Variants in ADGB observed in about 807,000 individuals in gnomAD.
The protein encoded by ADGB is calpain-7-like protein.
A neutral mutation model predicts 210.5 loss-of-function variants in ADGB; 172 were observed. That is an observed-to-expected ratio of 0.82 (90% CI 0.72 to 0.93). ADGB has a LOEUF of 0.93. Among genes scored for constraint, ADGB ranks in the 40% least tolerant of loss-of-function variants. The probability of loss-of-function intolerance (pLI) is 0.00; values close to 1 mark genes in which losing one functional copy is unlikely to be tolerated. For missense variants in ADGB, 2,025 were observed against 1,964.8 expected, an observed-to-expected ratio of 1.03 and a Z score of -0.58; for synonymous variants, 658 against 662.7, an observed-to-expected ratio of 0.99 and a Z score of 0.11.
chr6:146,641,917 A>G (rs1775521853), intron 2 of ADGB, among the ~76,000 whole-genome samples: 1 of 152,128 alleles, frequency 6.6e-6, no homozygotes, highest in Non-Finnish European at 1.5e-5. Flanking sequence ...ATCTAATTAA[A>G]CTTAAGAGCT....
chr6:146,653,803 T>A (rs957212431), intron 3 of ADGB, among the ~76,000 whole-genome samples: 12 of 152,184 alleles, frequency 7.9e-5, no homozygotes, highest in African/African-American at 2.9e-4. Context: ...AGTAAAATAC[T>A]GTATCTTATT....
At chr6:146,769,683 T>C (rs1001389126) in intron 29 of ADGB, among the ~76,000 whole-genome samples, 3 of 152,198 alleles carry the variant, frequency 2.0e-5, no homozygotes, top group Non-Finnish European at 2.9e-5. Context: ...AATCTAATAA[T>C]TGAATCTGAA....
intron 1 of ADGB, among the ~76,000 whole-genome samples, chr6:146,607,673 G>T (rs1482668645): frequency 2.0e-5 from 3 of 152,104 alleles, no homozygotes; most frequent in Non-Finnish European, 4.4e-5. Context: ...TTTCAGTTCT[G>T]CTTATGTGAT....
chr6:146,751,055 C>G (rs1777312921), intron 26 of ADGB, among the ~76,000 whole-genome samples: 1 of 152,174 alleles, frequency 6.6e-6, no homozygotes, highest in African/African-American at 2.4e-5. Context: ...TGGTGGTTTG[C>G]TGCACCTATC....
chr6:146,719,857 C>G (rs1176907631), intron 16 of ADGB, among the ~76,000 whole-genome samples: 1 of 152,142 alleles, frequency 6.6e-6, no homozygotes, highest in Non-Finnish European at 1.5e-5. Context: ...TGAAACAACT[C>G]TCTATATCAA....
At chr6:146,800,413 GA>G (rs1465541471) in intron 33 of ADGB, among the ~76,000 whole-genome samples, 6 of 152,158 alleles carry the variant, frequency 3.9e-5, no homozygotes, top group African/African-American at 1.4e-4. Context: ...TTTGGATGAT[GA>G]AAATGTTTTA....
At chr6:146,649,497 A>AT (rs35622724) in intron 3 of ADGB, among the ~76,000 whole-genome samples, 39,380 of 145,154 alleles carry the variant, frequency 0.27, 5,504 homozygotes, top group African/African-American at 0.36. Context: ...TATTTTACTA[A>AT]TTTTTTTTTT....
chr6:146,792,207 C>A (rs576359446), intron 33 of ADGB, among the ~76,000 whole-genome samples: 1 of 152,148 alleles, frequency 6.6e-6, no homozygotes, highest in African/African-American at 2.4e-5. Flanking sequence ...TATATGGTGT[C>A]TTTTGGGGTT....
chr6:146,717,357 A>T (rs561983419), intron 15 of ADGB, among the ~76,000 whole-genome samples, 179 bp from the exon 16 acceptor site: 1 of 152,306 alleles, frequency 6.6e-6, no homozygotes, highest in East Asian at 1.9e-4. Flanking sequence ...CTTGTTTCTT[A>T]ATTAAAATGA....
At chr6:146,788,324 G>A (rs905692243) in intron 32 of ADGB, 65 bp from the exon 33 acceptor site, 1 of 1,402,790 alleles carries the variant, frequency 7.1e-7, no homozygotes, top group African/African-American at 1.4e-5. Context: ...ATCAAGCCCT[G>A]TTACTGTTTG....
chr6:146,793,092 G>T (rs1226943950), intron 33 of ADGB, among the ~76,000 whole-genome samples: 2 of 152,136 alleles, frequency 1.3e-5, no homozygotes, highest in Non-Finnish European at 2.9e-5. Flanking sequence ...TCCATTATTT[G>T]TCCCATCCCA....
At chr6:146,635,950 TG>T (rs1421090913) in intron 2 of ADGB, among the ~76,000 whole-genome samples, 2 of 151,996 alleles carry the variant, frequency 1.3e-5, no homozygotes, top group African/African-American at 4.8e-5. Context: ...AAATGTTAAC[TG>T]TGAGATGAAA....
intron 29 of ADGB, 30 bp downstream of exon 29, chr6:146,769,161 C>A (rs550167837): frequency 2.7e-6 from 3 of 1,103,560 alleles, no homozygotes; most frequent in Admixed American, 2.2e-5. Context: ...TAAACATGCA[C>A]TTTACATTTG....
At chr6:146,741,812 T>G (rs978087762) in intron 25 of ADGB, among the ~76,000 whole-genome samples, 2 of 152,200 alleles carry the variant, frequency 1.3e-5, no homozygotes, top group East Asian at 3.9e-4. Context: ...ACCACATTGC[T>G]TCTCTGTTTA....
At chr6:146,806,470 G>C (rs1257876944) in intron 35 of ADGB, among the ~76,000 whole-genome samples, 1 of 151,980 alleles carries the variant, frequency 6.6e-6, no homozygotes, top group Non-Finnish European at 1.5e-5. Context: ...TTGTGCAATT[G>C]GTTTAGTCAA....
chr6:146,630,954 C>T (rs1204386110), intron 1 of ADGB, among the ~76,000 whole-genome samples: 2 of 152,064 alleles, frequency 1.3e-5, no homozygotes, highest in East Asian at 1.9e-4. Context: ...AACATCTTCT[C>T]AACACAGGAT....
chr6:146,701,608 T>A (rs1159177734), intron 13 of ADGB, among the ~76,000 whole-genome samples: 1 of 152,042 alleles, frequency 6.6e-6, no homozygotes, highest in African/African-American at 2.4e-5. Context: ...CAAGAGTTTC[T>A]TTAGTTTCAG....
chr6:146,666,922 T>A lies in ADGB; in HGVS notation c.839+20T>A, dbSNP rs1293295306. 1 of 1,476,686 alleles carries A rather than the reference T, an allele frequency of 6.8e-7. No homozygotes were observed. The highest frequency in any genetic ancestry group is 2.5e-5 in the East Asian group (1 of 40,482). 91.5% of individuals were successfully genotyped at this position (1,476,686 alleles called of 1,614,324 possible). ...TCTTCAGTATGTTTGACTATTAAAT[T>A]GCTCATATCTATTTTTTTTATCTTC... On this transcript the variant is annotated intron_variant, in intron 7 of 35. Transcript: ENST00000397944.
intron 1 of ADGB, among the ~76,000 whole-genome samples, chr6:146,617,610 A>G (rs1208437744): frequency 6.7e-6 from 1 of 148,530 alleles, no homozygotes. Flanking sequence ...TTTCAGGTAT[A>G]TTCCTTCTAT....
Sources: gnomAD v4.1 joint callset for allele counts (sites outside exome capture counted in the v4.1 genomes callset) on GRCh38, gnomAD v4.1.1 for gene constraint, MANE v1.5 for transcripts, NCBI Gene and HGNC (gene_info 2026-07-23, HGNC 2026-07-21) for gene names.